CPLANE1: variants seen among roughly 807,000 people sequenced by gnomAD.
CPLANE1 encodes the protein ciliogenesis and planar polarity effector complex subunit 1, also known as ciliogenesis and planar polarity effector 1.
A neutral mutation model predicts 362.5 loss-of-function variants in CPLANE1; 263 were observed. The ratio of observed to expected loss-of-function variants is 0.73; its 90% CI spans 0.66 to 0.80. CPLANE1 has a LOEUF of 0.80. Among genes scored for constraint, CPLANE1 ranks in the 30% least tolerant of loss-of-function variants. The pLI, the probability that CPLANE1 is intolerant of heterozygous loss-of-function variation, is 0.00. For synonymous variants in CPLANE1, 1,212 were observed against 1,302.6 expected, an observed-to-expected ratio of 0.93 and a Z score of 1.50; for missense variants, 3,461 against 3,793.4, an observed-to-expected ratio of 0.91 and a Z score of 2.30.
intron 40 of CPLANE1, 28 bp downstream of exon 40, chr5:37,157,642 A>T: frequency 2.5e-6 from 4 of 1,578,848 alleles, no homozygotes; most frequent in Non-Finnish European, 2.6e-6. Context: ...TTCAAATTAT[A>T]TTTGTTTTAA....
At position 37,143,936 on chromosome 5, in the gene CPLANE1, G is replaced by GA. The variant is rs10715136; in HGVS notation, c.8462-1457dup. Among the ~76,000 whole-genome samples, 378 of 125,984 alleles carry GA rather than the reference G, an allele frequency of 3.0e-3. 1 individual carries two copies. The highest frequency in any genetic ancestry group is 4.4e-3 in the Admixed American group (54 of 12,342). 82.7% of individuals were successfully genotyped at this position (125,984 alleles called of 152,430 possible). A position where few individuals can be genotyped will look rare whatever the true frequency, so the allele number is the denominator to read the frequency against. Reference sequence around the variant, plus strand: ...GACAACAAGAGCAAAACTCTGTCTCGAAAAAAAAAAAAAAAAGATATAAGG... The same window carrying GA: ...GACAACAAGAGCAAAACTCTGTCTCGAAAAAAAAAAAAAAAAAGATATAAGG... On this transcript the variant is annotated intron_variant, in intron 43 of 52. Coordinates refer to ENST00000651892, the MANE Select transcript of CPLANE1 (RefSeq NM_001384732.1).
At chr5:37,087,614 G>A in the CPLANE1 span, among the ~76,000 whole-genome samples, 1 of 151,994 alleles carries the variant, frequency 6.6e-6, no homozygotes, top group African/African-American at 2.4e-5. Flanking sequence ...CCACCACCAC[G>A]CCCGGCTAAT....
rs1181129895 is a variant in CPLANE1 at position 37,121,624 on chromosome 5, G to C, written c.9178C>G (p.Pro3060Ala). ...QSSSCQHCPSPRGENQHGHSF... is the reference protein window; with the variant it reads ...QSSSCQHCPSARGENQHGHSF... ...TGTGAAACCTTGTCTTACCCTCTTGGAGAAGGGCAGTGTTGACAACTGGAA... is the reference window on the plus strand; with the variant it reads ...TGTGAAACCTTGTCTTACCCTCTTGCAGAAGGGCAGTGTTGACAACTGGAA... The change falls in exon 49 of 53, where the codon CCA (proline) becomes GCA (alanine). Residue 3060 changes from proline to alanine, a missense_variant. This residue lies in a region of CPLANE1 where 3,380 missense variants were observed against 3,666.1 expected (regional missense o/e 0.92). Transcript: ENST00000651892. The C allele has an allele frequency of 6.2e-7, 1 of 1,614,058 alleles. No individual in the cohort carries two copies. Among genetic ancestry groups the C allele is most frequent in the Non-Finnish European group, 8.5e-7 (1 of 1,179,946 alleles).
intron 16 of CPLANE1, among the ~76,000 whole-genome samples, chr5:37,212,684 C>G (rs986526219): frequency 1.3e-5 from 2 of 152,082 alleles, no homozygotes; most frequent in African/African-American, 2.4e-5. Flanking sequence ...TTATCTAGCA[C>G]AGGATTAGAT....
intron 9 of CPLANE1, among the ~76,000 whole-genome samples, chr5:37,229,994 T>C (rs1452372608): frequency 6.6e-6 from 1 of 151,954 alleles, no homozygotes; most frequent in Non-Finnish European, 1.5e-5. Context: ...CTGACCAACA[T>C]GGTGAAACCC....
the CPLANE1 span, among the ~76,000 whole-genome samples, chr5:37,076,763 T>G: frequency 1.3e-5 from 2 of 151,314 alleles, no homozygotes; most frequent in African/African-American, 4.9e-5. Flanking sequence ...CTTCTTGAGT[T>G]ATTTTCTCTA....
the CPLANE1 span, among the ~76,000 whole-genome samples, chr5:37,078,660 C>G: frequency 6.6e-6 from 1 of 151,902 alleles, no homozygotes; most frequent in African/African-American, 2.4e-5. Flanking sequence ...AATTTACACT[C>G]CCAGCAACAG....
chr5:37,202,254 C>A (rs1456145379), intron 18 of CPLANE1, among the ~76,000 whole-genome samples: 1 of 151,806 alleles, frequency 6.6e-6, no homozygotes, highest in Non-Finnish European at 1.5e-5. Flanking sequence ...CTCTGCCTCC[C>A]AGGTTCTACC....
At chr5:37,175,783 TC>T in intron 31 of CPLANE1, 125 bp downstream of exon 31, 1 of 673,292 alleles carries the variant, frequency 1.5e-6, no homozygotes, top group Non-Finnish European at 2.6e-6. Context: ...TATGTTGCTT[TC>T]ATTTTTCTTA....
chr5:37,107,665 G>C lies in CPLANE1; in HGVS notation c.9693C>G (p.Ile3231Met), dbSNP rs1332636319. The C allele has an allele frequency of 1.2e-6, 2 of 1,611,154 alleles. No homozygotes were observed. Among genetic ancestry groups the C allele is most frequent in the African/African-American group, 1.3e-5 (1 of 74,836 alleles). ...CCTCCACGCTGGCCACCATGTCTTC[G>C]ATGGCATTCCAGTCCAGCTTGCTGA... ...SILSKLDWNA[I>M]EDMVASVEDQ... Residue 3231 changes from isoleucine (I) to methionine (M), a missense_variant, in exon 53 of 53, where the codon ATC (isoleucine) becomes ATG (methionine). Ile to Met is a conservative substitution (Grantham distance 10). Around this residue, in one of 2 missense-constraint regions of CPLANE1, gnomAD observed 81 missense variants for 127.3 expected, o/e 0.64. Coordinates refer to ENST00000651892, the MANE Select transcript of CPLANE1 (RefSeq NM_001384732.1).
chr5:37,166,193 T>C (rs550939366), intron 35 of CPLANE1, among the ~76,000 whole-genome samples: 1 of 152,308 alleles, frequency 6.6e-6, no homozygotes, highest in African/African-American at 2.4e-5. Flanking sequence ...AAAAGTATTT[T>C]CTAGACTTAG....
chr5:37,206,460 T>A, intron 16 of CPLANE1, 35 bp from the exon 17 acceptor site: 1 of 1,333,538 alleles, frequency 7.5e-7, no homozygotes. Flanking sequence ...ATTATTACAA[T>A]CACATCCAAA....
intron 15 of CPLANE1, 72 bp downstream of exon 15, chr5:37,221,252 G>T (rs1462605636): frequency 9.7e-7 from 1 of 1,033,728 alleles, no homozygotes; most frequent in African/African-American, 1.7e-5. Flanking sequence ...TCAGGGGTTT[G>T]AAGCCAGGCT....
the CPLANE1 span, among the ~76,000 whole-genome samples, chr5:37,092,171 A>T: frequency 6.6e-6 from 1 of 152,128 alleles, no homozygotes; most frequent in Admixed American, 6.5e-5. Context: ...GCCTATAATA[A>T]CATAAGTGCT....
chr5:37,215,451 T>C (rs1396515035), intron 15 of CPLANE1, among the ~76,000 whole-genome samples: 1 of 152,134 alleles, frequency 6.6e-6, no homozygotes, highest in African/African-American at 2.4e-5. Flanking sequence ...TAATCAACTA[T>C]TTATGTTACC....
At position 37,184,830 on chromosome 5, in the gene CPLANE1, G is replaced by C; in HGVS notation, c.4439C>G (p.Ala1480Gly). The C allele has an allele frequency of 1.9e-6, 3 of 1,613,238 alleles. No homozygotes were observed. The highest frequency in any genetic ancestry group is 2.2e-5 in the South Asian group (2 of 90,818). Residue 1480 changes from alanine (A) to glycine (G), a missense_variant, in exon 25 of 53, where the codon GCT (alanine) becomes GGT (glycine). Coordinates refer to ENST00000651892, the MANE Select transcript of CPLANE1 (RefSeq NM_001384732.1). Reference protein sequence around the residue: ...VHSDADTFSEALSVEEKSRIN... With the variant: ...VHSDADTFSEGLSVEEKSRIN... ...CCTACTTTTTTCTTCAACCGACAAAGCTTCAGAGAACGTATCTGCATCACT... is the reference window on the plus strand; with the variant it reads ...CCTACTTTTTTCTTCAACCGACAAACCTTCAGAGAACGTATCTGCATCACT...
intron 41 of CPLANE1, 122 bp downstream of exon 41, chr5:37,157,191 C>A: frequency 2.6e-6 from 1 of 378,784 alleles, no homozygotes; most frequent in Non-Finnish European, 5.1e-6. Context: ...TACTTGCCCC[C>A]ATGCTCCTTA....
rs1561657148 is a variant in CPLANE1 at position 37,224,633 on chromosome 5, T to C, written c.2399A>G (p.His800Arg). 10 of 1,551,136 alleles carry C rather than the reference T, an allele frequency of 6.4e-6. No homozygotes were observed. The highest frequency in any genetic ancestry group is 7.8e-6 in the Non-Finnish European group (9 of 1,146,588). ...CAGGGACTTGACAGTAGATGCTTCA[T>C]GTGTCATCTTTTCAGTTAACTGACT... ...ADSQLTEKMT[H>R]EASTVKSLLC... Residue 800 changes from histidine (H) to arginine (R), a missense_variant, in exon 13 of 53, where the codon CAT becomes CGT. His to Arg is a conservative substitution (Grantham distance 29). Transcript: ENST00000651892.
chr5:37,086,536 G>A, the CPLANE1 span, among the ~76,000 whole-genome samples: 1 of 152,246 alleles, frequency 6.6e-6, no homozygotes, highest in Admixed American at 6.5e-5. Context: ...TAATTAACAG[G>A]AATGTAGAGT....
Sources: gnomAD v4.1 joint callset for allele counts (sites outside exome capture counted in the v4.1 genomes callset) on GRCh38, gnomAD v4.1.1 for gene constraint, gnomAD v4.1.1 regional missense constraint, MANE v1.5 for transcripts, NCBI Gene and HGNC (gene_info 2026-07-23, HGNC 2026-07-21) for gene names.